The following TRA2B variants were observed in gnomAD, a reference collection of about 807,000 sequenced individuals.
TRA2B encodes transformer 2 beta homolog.
In TRA2B, 14 loss-of-function variants were observed where a neutral mutation model predicts 41.7. The observed-to-expected ratio is 0.34, with a 90% confidence interval of 0.22 to 0.53. The LOEUF is 0.53. TRA2B is among the 20% of genes least tolerant of loss of function. The pLI is 0.95. For synonymous variants in TRA2B, 130 were observed against 128.8 expected (o/e 1.01, Z -0.06); for missense variants, 167 against 396.8 (o/e 0.42, Z 4.92).
At chr3:185,926,820 G>A in intron 1 of TRA2B, 86 bp from the exon 2 acceptor site, 2 of 1,503,136 alleles carry the variant, frequency 1.3e-6, no homozygotes, top group Non-Finnish European at 1.8e-6. Flanking sequence ...AATGGTGAGG[G>A]ACAGCAATCC....
intron 6 of TRA2B, among the ~76,000 whole-genome samples, 163 bp downstream of exon 6, chr3:185,920,937 AATTG>A (rs147281585): frequency 0.054 from 8,286 of 152,276 alleles, 244 homozygotes; most frequent in Admixed American, 0.093. Context: ...TTACACATTA[AATTG>A]ATTAAGACAC....
chr3:185,926,580 T>C, intron 2 of TRA2B, 21 bp downstream of exon 2: 1 of 1,613,642 alleles, frequency 6.2e-7, no homozygotes, highest in Non-Finnish European at 8.5e-7. Flanking sequence ...AACGAGGAAA[T>C]CTCAAGACAG....
intron 1 of TRA2B, chr3:185,928,082 G>A (rs1398035402): frequency 6.6e-6 from 1 of 152,188 alleles, no homozygotes; most frequent in Non-Finnish European, 1.5e-5. Context: ...GGACATTCTT[G>A]AAAGGACAGT....
In TRA2B at chr3:185,926,639, C is replaced by T; in HGVS notation, c.132G>A (p.Arg44=). The T allele has an allele frequency of 6.2e-7, 1 of 1,614,130 alleles. No homozygotes were observed. Among genetic ancestry groups the T allele is most frequent in the Non-Finnish European group, 8.5e-7 (1 of 1,179,996 alleles). The change falls in exon 2 of 9, where the codon AGG becomes AGA. Residue 44 remains arginine (R), a synonymous_variant. Transcript: ENST00000453386. ...PARSRSKEDS[R]RSRSKSRSRS... ...GGGACCTGGACTTTGATCTGGAACG[C>T]CTGGAATCTTCCTTGGAGCGAGACC...
chr3:185,925,575 G>C lies in TRA2B; in HGVS notation c.222C>G (p.Arg74=). The stretch of plus-strand genomic sequence containing the variant: ...TACGTGATCGTCTATGGGAGCGGGA[G>C]CGAGACCGTGACCGGGTATAATGCC... ...SRRHYTRSRS[R]SRSHRRSRSR... is the part of the protein sequence containing the mutation. Residue 74 remains arginine, a synonymous_variant, in exon 3 of 9, where the codon CGC becomes CGG. Transcript: ENST00000453386. 6.2e-7 allele frequency: 1 copy of C among 1,614,194 alleles called. No individual in the cohort carries two copies.
chr3:185,935,941 ACAATT>A, intron 1 of TRA2B: 4 of 985,424 alleles, frequency 4.1e-6, no homozygotes, highest in Non-Finnish European at 4.8e-6. Context: ...ACCTCCCTCT[ACAATT>A]CAAAGATTGC....
intron 1 of TRA2B, 40 bp downstream of exon 1, chr3:185,937,785 C>G: frequency 6.2e-7 from 1 of 1,613,966 alleles, no homozygotes; most frequent in East Asian, 2.2e-5. Flanking sequence ...ATGCAAGGAG[C>G]TAGGACCACA....
At chr3:185,928,074 A>C (rs1744018924) in intron 1 of TRA2B, 1 of 152,232 alleles carries the variant, frequency 6.6e-6, no homozygotes, top group Non-Finnish European at 1.5e-5. Flanking sequence ...AGTATTCTGG[A>C]CATTCTTGAA....
intron 1 of TRA2B, chr3:185,937,086 G>A: frequency 8.1e-6 from 8 of 985,398 alleles, no homozygotes; most frequent in Non-Finnish European, 9.6e-6. Context: ...CGACTTTGTG[G>A]TCTGTCCTAA....
intron 1 of TRA2B, 63 bp from the exon 2 acceptor site, chr3:185,926,797 C>T (rs1743969969): frequency 8.2e-6 from 13 of 1,584,824 alleles, no homozygotes; most frequent in Non-Finnish European, 1.1e-5. Context: ...AACAAATAAG[C>T]TGCTGTGAGA....
rs1743483267 is a variant in TRA2B at position 185,915,891 on chromosome 3, A to T, written c.*1824T>A. ...ACTTCAGGAAAGGATGCCTGTATAT[A>T]CTACCACGATAAAACCAGGTTTCTC... is the stretch of plus-strand genomic sequence containing the variant. On this transcript the variant is annotated 3_prime_UTR_variant, in exon 9 of 9. Transcript: ENST00000453386. 1.3e-5 allele frequency: 2 copies of T among 152,180 alleles called. No homozygotes were observed. Among genetic ancestry groups the T allele is most frequent in the Admixed American group, 6.5e-5 (1 of 15,276 alleles). 9.4% of individuals were successfully genotyped at this position (152,180 alleles called of 1,614,324 possible).
intron 1 of TRA2B, chr3:185,937,044 G>A (rs1365849448): frequency 4.1e-6 from 4 of 985,248 alleles, no homozygotes; most frequent in African/African-American, 1.7e-5. Context: ...TCACAATCCC[G>A]TGGAAATGCG....
chr3:185,921,891 TAATC>T (rs1743758019), intron 5 of TRA2B, 116 bp downstream of exon 5: 3 of 619,936 alleles, frequency 4.8e-6, no homozygotes, highest in Non-Finnish European at 8.3e-6. Context: ...GAGGAGCATT[TAATC>T]AATCAACAGT....
At chr3:185,931,650 G>T in intron 1 of TRA2B, 14 of 1,266,824 alleles carry the variant, frequency 1.1e-5, no homozygotes, top group Middle Eastern at 2.2e-4. Context: ...TCATTCTTCC[G>T]TTTCAAATTC....
intron 1 of TRA2B, chr3:185,936,246 C>G: frequency 1.0e-6 from 1 of 985,334 alleles, no homozygotes; most frequent in Non-Finnish European, 1.2e-6. Flanking sequence ...ACTTTGCAGT[C>G]CAAACACCAA....
chr3:185,925,784 T>C (rs1743925021), intron 2 of TRA2B, among the ~76,000 whole-genome samples, 158 bp from the exon 3 acceptor site: 1 of 152,254 alleles, frequency 6.6e-6, no homozygotes, highest in Admixed American at 6.5e-5. Flanking sequence ...TCTAATTATT[T>C]AGTCATTTCA....
intron 3 of TRA2B, chr3:185,924,297 T>C (rs1578477266): frequency 4.5e-6 from 1 of 223,892 alleles, no homozygotes; most frequent in South Asian, 9.5e-5. Flanking sequence ...ATTCATAACA[T>C]GACATACAAG....
At chr3:185,921,806 T>G (rs1261818713) in intron 5 of TRA2B, among the ~76,000 whole-genome samples, 1 of 152,000 alleles carries the variant, frequency 6.6e-6, no homozygotes, top group Non-Finnish European at 1.5e-5. Flanking sequence ...AAACAAAAAA[T>G]TTAAAAATGG....
Position 185,917,696 on chromosome 3 carries a change from TTC to T in TRA2B, c.*17_*18del. ...ACAATATCCCAGCTCTAGGGCAGGT[TTC>T]AGAAAGTCTTCATGCTTTAATAGCG... On this transcript the variant is annotated 3_prime_UTR_variant, in exon 9 of 9. Transcript: ENST00000453386. 6.2e-7 allele frequency: 1 copy of T among 1,613,044 alleles called. No individual in the cohort carries two copies. The highest frequency in any genetic ancestry group is 8.5e-7 in the Non-Finnish European group (1 of 1,179,346).
Sources: allele counts gnomAD v4.1 joint callset (sites outside exome capture counted in the v4.1 genomes callset), GRCh38; gene constraint gnomAD v4.1.1; transcripts MANE v1.5; gene names NCBI Gene and HGNC (gene_info 2026-07-23, HGNC 2026-07-21).